Variants in FBLN5 observed in about 807,000 individuals in gnomAD.
FBLN5 encodes fibulin-5.
FBLN5 carries 24 observed loss-of-function variants against 61.6 expected under a neutral mutation model. The ratio of observed to expected loss-of-function variants is 0.39; its 90% CI spans 0.28 to 0.55. FBLN5 has a LOEUF of 0.55. Ranked by LOEUF, FBLN5 falls within the 20% of genes least tolerant of loss-of-function variation. FBLN5 has a pLI of 0.65. For synonymous variants in FBLN5, 213 were observed against 219.8 expected (o/e 0.97, Z 0.27); for missense variants, 470 against 594.1 (o/e 0.79, Z 2.17).
rs1003098415 is a variant in FBLN5 at position 91,933,927 on chromosome 14, T to C, written c.379+3020A>G. Among the ~76,000 whole-genome samples the C allele has an allele frequency of 3.3e-5, 5 of 152,014 alleles. No individual in the cohort carries two copies. The East Asian group carries it at 9.7e-4, about 29-fold the overall frequency. On this transcript the variant is annotated intron_variant, in intron 4 of 10. Transcript: ENST00000342058. The stretch of plus-strand genomic sequence containing the variant: ...GAATTTGAGACCAGCCTGGGCAACA[T>C]GGCAAAACCCTGTCTCTACCAAAAA...
At position 91,910,881 on chromosome 14, in the gene FBLN5, T is replaced by C. The variant is rs542764393; in HGVS notation, c.380-15809A>G. 7.9e-5 allele frequency among the ~76,000 whole-genome samples: 12 copies of C among 152,286 alleles called. No homozygotes were observed. The South Asian group carries it at 2.5e-3, about 32-fold the overall frequency. ...GGTCTGGACTATGACGTGGGCATCT[T>C]GAGCCTCTAGTAACTCGATTCAAAG... On this transcript the variant is annotated intron_variant, in intron 4 of 10. Transcript: ENST00000342058.
chr14:91,911,720 C>A (rs978401528), intron 4 of FBLN5, among the ~76,000 whole-genome samples: 2 of 152,000 alleles, frequency 1.3e-5, no homozygotes, highest in Admixed American at 1.3e-4. Context: ...CAGTTGAGCT[C>A]CCTGCCCTCA....
rs1889540837 is a variant in FBLN5 at position 91,882,892 on chromosome 14, A to G, written c.862+62T>C. ...TTCCCCAGGTGAGGATATCCAGATG[A>G]GCCCCTGAAGCAGCTCCACCTCACA... On this transcript the variant is annotated intron_variant, in intron 8 of 10. Coordinates refer to ENST00000342058, the MANE Select transcript of FBLN5 (RefSeq NM_006329.4). This position sits in a 1 kb window ranked among gnomAD's most constrained non-coding sequence, Gnocchi z 4.9. 1.9e-6 allele frequency: 3 copies of G among 1,591,718 alleles called. No homozygotes were observed. The highest frequency in any genetic ancestry group is 2.3e-5 in the East Asian group (1 of 44,416).
Position 91,947,373 on chromosome 14 carries a change from G to T in FBLN5, c.-144C>A, listed in dbSNP as rs1293436281. The T allele has an allele frequency of 2.2e-6, 2 of 915,218 alleles. No homozygotes were observed. The highest frequency in any genetic ancestry group is 1.8e-6 in the Non-Finnish European group (1 of 566,890). 56.7% of individuals were successfully genotyped at this position (915,218 alleles called of 1,614,324 possible). On this transcript the variant is annotated 5_prime_UTR_variant, in exon 1 of 11. Transcript: ENST00000342058. The surrounding 1 kb of genome is among the most constrained non-coding windows in gnomAD (Gnocchi z 4.3). ...CCAGAGGGGCCGAGCGAGTCGTGGA[G>T]AGGACACGGGGAGAGCGCCGGGGTC...
chr14:91,891,085 G>T, intron 6 of FBLN5, 136 bp downstream of exon 6: 1 of 723,628 alleles, frequency 1.4e-6, no homozygotes. Context: ...TGTAGTAATG[G>T]GGATGGGCGG....
Position 91,947,442 on chromosome 14 carries a change from C to T in FBLN5, c.-213G>A. The T allele has an allele frequency of 1.6e-6, 1 of 634,596 alleles. No homozygotes were observed. The highest frequency in any genetic ancestry group is 2.8e-6 in the Non-Finnish European group (1 of 355,002). The allele number at this position is 634,596 out of a possible 1,614,324, so 39.3% of individuals were successfully genotyped here. A position where few individuals can be genotyped will look rare whatever the true frequency, so the allele number is the denominator to read the frequency against. On this transcript the variant is annotated 5_prime_UTR_variant, in exon 1 of 11. Transcript: ENST00000342058. This position sits in a 1 kb window ranked among gnomAD's most constrained non-coding sequence, Gnocchi z 4.3. ...CCCTCAGCGCAAGCACCTGGTTTTGCTTAGCCCTCTTCAGTAATTCAGCAT... is the reference window on the plus strand; with the variant it reads ...CCCTCAGCGCAAGCACCTGGTTTTGTTTAGCCCTCTTCAGTAATTCAGCAT...
At chr14:91,870,778 T>A (rs1317535150) in intron 10 of FBLN5, among the ~76,000 whole-genome samples, 1 of 152,152 alleles carries the variant, frequency 6.6e-6, no homozygotes. Context: ...GGTACTGGGG[T>A]CAGGCTTTTC....
chr14:91,892,238 C>A (rs1259091753), intron 5 of FBLN5, among the ~76,000 whole-genome samples: 1 of 152,162 alleles, frequency 6.6e-6, no homozygotes, highest in Non-Finnish European at 1.5e-5. Flanking sequence ...AATGAAATCA[C>A]CGGCCTCCTG....
chr14:91,883,109 T>A (rs200776078), intron 7 of FBLN5, 33 bp from the exon 8 acceptor site: 111 of 1,612,304 alleles, frequency 6.9e-5, no homozygotes, highest in Non-Finnish European at 8.4e-5. Flanking sequence ...CTGTTTGTAA[T>A]CCCAGTCTAC....
intron 4 of FBLN5, among the ~76,000 whole-genome samples, chr14:91,927,439 T>C (rs575768349): frequency 2.6e-5 from 4 of 152,376 alleles, no homozygotes; most frequent in Non-Finnish European, 4.4e-5. Flanking sequence ...ACAGAACCTA[T>C]GTGAGTCATT....
chr14:91,873,865 G>A (rs1246375242), intron 10 of FBLN5: 1 of 152,312 alleles, frequency 6.6e-6, no homozygotes, highest in Non-Finnish European at 1.5e-5. Context: ...TAGCAGGCCA[G>A]CTTCCATGGG....
chr14:91,898,880 CA>C (rs1287040695), intron 4 of FBLN5, among the ~76,000 whole-genome samples: 1 of 146,054 alleles, frequency 6.8e-6, no homozygotes, highest in Non-Finnish European at 1.5e-5. Context: ...AAGCTCACTG[CA>C]AGCTCTGCCT....
At chr14:91,883,423 G>A (rs896901801) in intron 7 of FBLN5, among the ~76,000 whole-genome samples, 4 of 152,012 alleles carry the variant, frequency 2.6e-5, no homozygotes, top group African/African-American at 7.2e-5. Flanking sequence ...CCTCTGACCT[G>A]CCTAAGGGGC....
At position 91,943,031 on chromosome 14, in the gene FBLN5, C is replaced by A. The variant is rs373067056; in HGVS notation, c.18-70G>T. On this transcript the variant is annotated intron_variant, in intron 1 of 10. Coordinates refer to ENST00000342058, the MANE Select transcript of FBLN5 (RefSeq NM_006329.4). The surrounding 1 kb of genome is among the most constrained non-coding windows in gnomAD (Gnocchi z 4.0). ...GGTCTAGGGGAGTGTGGGTCGCATGCGGCCCGTGACGTGTAACGGTGATAT... is the reference window on the plus strand; with the variant it reads ...GGTCTAGGGGAGTGTGGGTCGCATGAGGCCCGTGACGTGTAACGGTGATAT... The A allele has an allele frequency of 1.0e-6, 1 of 988,078 alleles. No homozygotes were observed. The highest frequency in any genetic ancestry group is 1.6e-6 in the Non-Finnish European group (1 of 632,496). 61.2% of individuals were successfully genotyped at this position (988,078 alleles called of 1,614,324 possible). A position where few individuals can be genotyped will look rare whatever the true frequency, so the allele number is the denominator to read the frequency against.
chr14:91,883,698 A>T (rs1011137188), intron 7 of FBLN5, among the ~76,000 whole-genome samples: 10 of 151,832 alleles, frequency 6.6e-5, no homozygotes, highest in African/African-American at 9.7e-5. Flanking sequence ...CAAACAAAAA[A>T]ACTGCCTGAA....
At chr14:91,934,527 G>A (rs192811721) in intron 4 of FBLN5, among the ~76,000 whole-genome samples, 5 of 152,350 alleles carry the variant, frequency 3.3e-5, no homozygotes, top group African/African-American at 1.2e-4. Flanking sequence ...TGCTGCGGAT[G>A]TTACTGTTGA....
chr14:91,894,029 T>C (rs1349578767), intron 5 of FBLN5, among the ~76,000 whole-genome samples: 1 of 152,198 alleles, frequency 6.6e-6, no homozygotes, highest in African/African-American at 2.4e-5. Context: ...GGCCTGGATA[T>C]AAACTTCGTG....
intron 4 of FBLN5, 85 bp from the exon 5 acceptor site, chr14:91,895,157 G>T: frequency 1.9e-6 from 3 of 1,556,288 alleles, no homozygotes; most frequent in Admixed American, 1.7e-5. Context: ...GCTCATCTTG[G>T]CTGGGAGGCA....
At chr14:91,922,247 C>T (rs985314189) in intron 4 of FBLN5, among the ~76,000 whole-genome samples, 9 of 151,454 alleles carry the variant, frequency 5.9e-5, no homozygotes, top group Non-Finnish European at 8.8e-5. Flanking sequence ...GAGCCGAGAT[C>T]GCACCACTGC....
Sources: allele counts gnomAD v4.1 joint callset (sites outside exome capture counted in the v4.1 genomes callset), GRCh38; gene constraint gnomAD v4.1.1; non-coding constraint Gnocchi (gnomAD v3.1); transcripts MANE v1.5; gene names NCBI Gene and HGNC (gene_info 2026-07-23, HGNC 2026-07-21).